Variants in ZNF337 observed in about 807,000 individuals in gnomAD.
ZNF337 encodes the protein zinc finger protein 337.
In ZNF337, 8 loss-of-function variants were observed where a neutral mutation model predicts 12.1. The ratio of observed to expected loss-of-function variants is 0.66; its 90% CI spans 0.39 to 1.19. The LOEUF (loss-of-function observed/expected upper bound fraction) is 1.19, where lower values mean the gene tolerates loss of function less well. Ranked by LOEUF, ZNF337 falls within the 50% of genes most tolerant of loss-of-function variation. ZNF337 has a pLI of 0.01. For missense variants in ZNF337, 882 were observed against 896.6 expected (o/e 0.98, Z 0.21); for synonymous variants, 336 against 320.0 (o/e 1.05, Z -0.53).
At chr20:25,680,223 C>G (rs371938653) in intron 4 of ZNF337, among the ~76,000 whole-genome samples, 10 of 151,684 alleles carry the variant, frequency 6.6e-5, no homozygotes, top group Non-Finnish European at 1.5e-4. Flanking sequence ...AGCACAGTAG[C>G]GTGACTATAG....
intron 1 of ZNF337, among the ~76,000 whole-genome samples, chr20:25,689,544 C>A (rs1455104646): frequency 6.6e-6 from 1 of 152,034 alleles, no homozygotes; most frequent in Non-Finnish European, 1.5e-5. Context: ...TGATAAGTGA[C>A]CTGTGTATAC....
chr20:25,694,729 A>C, intron 1 of ZNF337, among the ~76,000 whole-genome samples: 1 of 152,008 alleles, frequency 6.6e-6, no homozygotes, highest in Non-Finnish European at 1.5e-5. Context: ...GAGTTTTATT[A>C]CTCTTATATA....
At chr20:25,683,229 AATCATCATCATCATCATC>A (rs3063022) in intron 4 of ZNF337, among the ~76,000 whole-genome samples, 8 of 148,506 alleles carry the variant, frequency 5.4e-5, no homozygotes, top group Non-Finnish European at 1.0e-4. Flanking sequence ...TAGAGGTAAG[AATCATCATCATCATCATC>A]ATCATCATCA....
rs1465491965 is a variant in ZNF337 at position 25,676,238 on chromosome 20, G to A, written c.1050C>T (p.Cys350=). ...RIHSGEKPYR[C]QECGRGFSNK... Reference sequence around the variant, plus strand: ...TGCTAAAGCCTCGGCCACACTCCTGGCATCTGTAAGGCTTCTCTCCTGAGT... The same window carrying A: ...TGCTAAAGCCTCGGCCACACTCCTGACATCTGTAAGGCTTCTCTCCTGAGT... Residue 350 remains cysteine (C), a synonymous_variant, in exon 5 of 5, where the codon TGC becomes TGT. Transcript: ENST00000252979. The A allele has an allele frequency of 2.5e-6, 4 of 1,613,418 alleles. No individual in the cohort carries two copies. Among genetic ancestry groups the A allele is most frequent in the Admixed American group, 1.7e-5 (1 of 59,920 alleles).
rs1302035903 is a variant in ZNF337 at position 25,673,360 on chromosome 20, G to C, written c.*1672C>G. Among the ~76,000 whole-genome samples, 1 of 152,196 alleles carries C rather than the reference G, an allele frequency of 6.6e-6. No homozygotes were observed. Among genetic ancestry groups the C allele is most frequent in the East Asian group, 1.9e-4 (1 of 5,198 alleles). On this transcript the variant is annotated 3_prime_UTR_variant, in exon 5 of 5. Coordinates refer to ENST00000252979, the MANE Select transcript of ZNF337 (RefSeq NM_015655.4). ...GGCATATTGCATGTATCTTCCCTGT[G>C]CTGGACAAGGGTTGTGTGCAGCTAT...
intron 1 of ZNF337, among the ~76,000 whole-genome samples, chr20:25,692,753 G>A (rs1204471258): frequency 6.6e-6 from 1 of 152,144 alleles, no homozygotes; most frequent in African/African-American, 2.4e-5. Context: ...CCGTAAGAAA[G>A]TGGTTTAAAT....
At chr20:25,696,264 G>C (rs1019487631) in intron 1 of ZNF337, among the ~76,000 whole-genome samples, 1 of 152,066 alleles carries the variant, frequency 6.6e-6, no homozygotes, top group Non-Finnish European at 1.5e-5. Context: ...CCACAATAAA[G>C]TCTGGAGCAT....
Position 25,696,774 on chromosome 20 carries a change from C to T in ZNF337, c.-65G>A, listed in dbSNP as rs554344826. Reference sequence around the variant, plus strand: ...CGCAGCTCACCGGGGCGGCTGAGGGCGAACCGAGGCGGTGAGGTCACCGAT... The same window carrying T: ...CGCAGCTCACCGGGGCGGCTGAGGGTGAACCGAGGCGGTGAGGTCACCGAT... On this transcript the variant is annotated 5_prime_UTR_variant, in exon 1 of 5. Coordinates refer to ENST00000252979, the MANE Select transcript of ZNF337 (RefSeq NM_015655.4). 1.5e-5 allele frequency: 15 copies of T among 985,528 alleles called. No individual in the cohort carries two copies. In the East Asian group the frequency reaches 1.1e-3, roughly 75 times the overall value. 61.0% of individuals were successfully genotyped at this position (985,528 alleles called of 1,614,324 possible). A position where few individuals can be genotyped will look rare whatever the true frequency, so the allele number is the denominator to read the frequency against.
chr20:25,677,266 C>G (rs1049961787), intron 4 of ZNF337: 1 of 445,464 alleles, frequency 2.2e-6, no homozygotes. Context: ...GACAAGGACA[C>G]AGCAAAAACA....
Position 25,686,478 on chromosome 20 carries a change from G to C in ZNF337, c.-49-12C>G, listed in dbSNP as rs984166760. The C allele has an allele frequency of 1.9e-6, 3 of 1,605,254 alleles. No homozygotes were observed. Among genetic ancestry groups the C allele is most frequent in the East Asian group, 2.2e-5 (1 of 44,856 alleles). On this transcript the variant is annotated splice_polypyrimidine_tract_variant and intron_variant, in intron 1 of 4. Coordinates refer to ENST00000252979, the MANE Select transcript of ZNF337 (RefSeq NM_015655.4). ...TGCAGATGGCCAATCTGTGGGAGGAGAGAAGTCAGAGGGTGGCTGGGTGCA... is the reference window on the plus strand; with the variant it reads ...TGCAGATGGCCAATCTGTGGGAGGACAGAAGTCAGAGGGTGGCTGGGTGCA...
intron 4 of ZNF337, among the ~76,000 whole-genome samples, chr20:25,679,591 A>C (rs527640012): frequency 6.6e-6 from 1 of 152,298 alleles, no homozygotes; most frequent in South Asian, 2.1e-4. Context: ...CATCAGGGAA[A>C]TGCAAATCAC....
chr20:25,686,026 G>A lies in ZNF337; in HGVS notation c.124C>T (p.Leu42=), dbSNP rs746407004. The A allele has an allele frequency of 1.2e-6, 2 of 1,613,390 alleles. No homozygotes were observed. The highest frequency in any genetic ancestry group is 1.7e-6 in the Non-Finnish European group (2 of 1,179,816). ...AQRALYREVT[L]ENYSHLVSLG... ...GAGACCAGGTGGCTGTAGTTCTCCA[G>A]TGTCACCTCCCTGTACAGGGCCCTC... The change falls in exon 3 of 5, where the codon CTG becomes TTG. Residue 42 remains leucine (L), a synonymous_variant. Transcript: ENST00000252979.
chr20:25,696,076 C>G, intron 1 of ZNF337, among the ~76,000 whole-genome samples: 1 of 147,602 alleles, frequency 6.8e-6, no homozygotes, highest in Non-Finnish European at 1.5e-5. Context: ...GCGGACGCTG[C>G]CCCACGCAGA....
chr20:25,675,956 C>T lies in ZNF337; in HGVS notation c.1332G>A (p.Lys444=), dbSNP rs2065679392. 2 of 1,613,354 alleles carry T rather than the reference C, an allele frequency of 1.2e-6. No individual in the cohort carries two copies. The highest frequency in any genetic ancestry group is 1.3e-5 in the African/African-American group (1 of 74,778). Residue 444 remains lysine, a synonymous_variant, in exon 5 of 5, where the codon AAG becomes AAA. Coordinates refer to ENST00000252979, the MANE Select transcript of ZNF337 (RefSeq NM_015655.4). ...TGATCTGATGTTTCACAAGGGTTGA[C>T]TTCTGAATAAATCCTTGCCCACATT... ...CRECGQGFIQ[K]STLVKHQITH...
At chr20:25,689,252 G>C (rs550728386) in intron 1 of ZNF337, among the ~76,000 whole-genome samples, 1 of 151,992 alleles carries the variant, frequency 6.6e-6, no homozygotes, top group African/African-American at 2.4e-5. Flanking sequence ...TGCAGTGAGC[G>C]GAGACCGTGC....
At chr20:25,681,336 A>C (rs1317919899) in intron 4 of ZNF337, 2 of 152,178 alleles carry the variant, frequency 1.3e-5, no homozygotes, top group African/African-American at 4.8e-5. Context: ...AGTGGCCCCG[A>C]TCCAAAAGCA....
At position 25,676,402 on chromosome 20, in the gene ZNF337, C is replaced by G. The variant is rs1288058670; in HGVS notation, c.886G>C (p.Glu296Gln). 6 of 1,614,192 alleles carry G rather than the reference C, an allele frequency of 3.7e-6. No homozygotes were observed. Among genetic ancestry groups the G allele is most frequent in the South Asian group, 3.3e-5 (3 of 91,090 alleles). The part of the protein sequence containing the change: ...HTGEKPYECQ[E>Q]CGRRFNDKSS... ...TTATCGTTAAACCTTCGCCCACACT[C>G]CTGGCATTCATAAGGCTTCTCTCCT... The change falls in exon 5 of 5, where the codon GAG becomes CAG. Residue 296 changes from glutamate to glutamine, a missense_variant. By Grantham distance (29) the Glu-to-Gln change is conservative. Coordinates refer to ENST00000252979, the MANE Select transcript of ZNF337 (RefSeq NM_015655.4).
chr20:25,689,259 G>C (rs932080702), intron 1 of ZNF337, among the ~76,000 whole-genome samples: 2 of 152,074 alleles, frequency 1.3e-5, no homozygotes, highest in East Asian at 3.9e-4. Context: ...AGCGGAGACC[G>C]TGCCACTGCA....
Position 25,676,967 on chromosome 20 carries a change from T to C in ZNF337, c.321A>G (p.Gln107=). Residue 107 remains glutamine, a synonymous_variant, in exon 5 of 5, where the codon CAA becomes CAG. Transcript: ENST00000252979. ...GLAHQRQQQL[Q]FSDQSFQSDT... is the part of the protein sequence containing the mutation. ...CACTCTGGAAGCTTTGATCAGAAAA[T>C]TGTAGTTGCTGTTGCCTCTGATGTG... The C allele has an allele frequency of 1.2e-6, 2 of 1,614,080 alleles. No individual in the cohort carries two copies. The highest frequency in any genetic ancestry group is 2.2e-5 in the East Asian group (1 of 44,874).
Sources: gnomAD v4.1 joint callset for allele counts (sites outside exome capture counted in the v4.1 genomes callset) on GRCh38, gnomAD v4.1.1 for gene constraint, MANE v1.5 for transcripts, NCBI Gene and HGNC (gene_info 2026-07-23, HGNC 2026-07-21) for gene names.